RPS6KC1: variants seen among roughly 807,000 people sequenced by gnomAD.
The protein encoded by RPS6KC1 is ribosomal protein S6 kinase C1.
RPS6KC1 carries 54 observed loss-of-function variants against 103.8 expected under a neutral mutation model. The observed-to-expected ratio is 0.52, with a 90% CI of 0.42 to 0.65. The LOEUF is 0.65. Ranked by LOEUF, RPS6KC1 falls within the 30% of genes least tolerant of loss-of-function variation. The pLI is 0.00. For missense variants in RPS6KC1, 1,151 were observed against 1,253.8 expected (o/e 0.92, Z 1.24); for synonymous variants, 439 against 438.7 (o/e 1.00, Z -0.01).
At chr1:213,594,712 A>G in the RPS6KC1 span, among the ~76,000 whole-genome samples, 1 of 152,224 alleles carries the variant, frequency 6.6e-6, no homozygotes, top group Non-Finnish European at 1.5e-5. Context: ...GTATCTACAC[A>G]TGTAATCTTC....
the RPS6KC1 span, among the ~76,000 whole-genome samples, chr1:213,635,107 C>T: frequency 1.3e-5 from 2 of 152,074 alleles, no homozygotes; most frequent in African/African-American, 2.4e-5. Flanking sequence ...CAATAACAGG[C>T]TCTGAAATGG....
chr1:213,573,295 A>G, the RPS6KC1 span, among the ~76,000 whole-genome samples: 1 of 152,224 alleles, frequency 6.6e-6, no homozygotes, highest in African/African-American at 2.4e-5. Context: ...GTTTTGCCAC[A>G]TTAGTAATGA....
chr1:213,253,423 T>C (rs559303210), intron 12 of RPS6KC1, among the ~76,000 whole-genome samples: 93 of 152,316 alleles, frequency 6.1e-4, no homozygotes, highest in Middle Eastern at 6.8e-3. Context: ...TAAAGAAAAG[T>C]AAATTCTGAA....
the RPS6KC1 span, among the ~76,000 whole-genome samples, chr1:213,827,688 G>A: frequency 1.3e-5 from 2 of 152,086 alleles, no homozygotes; most frequent in African/African-American, 4.8e-5. Flanking sequence ...TTAACATGAT[G>A]GGAGCATTTC....
At chr1:213,613,041 C>A in the RPS6KC1 span, among the ~76,000 whole-genome samples, 1 of 152,172 alleles carries the variant, frequency 6.6e-6, no homozygotes, top group African/African-American at 2.4e-5. Flanking sequence ...TTGCCCATGT[C>A]ATCAGCAGCT....
intron 8 of RPS6KC1, among the ~76,000 whole-genome samples, chr1:213,222,046 G>A (rs183445821): frequency 2.6e-4 from 40 of 152,278 alleles, no homozygotes; most frequent in Admixed American, 1.9e-3. Flanking sequence ...TGACTCTGCC[G>A]TTCTTAACTT....
the RPS6KC1 span, among the ~76,000 whole-genome samples, chr1:213,692,370 G>A: frequency 6.8e-6 from 1 of 147,490 alleles, no homozygotes; most frequent in Non-Finnish European, 1.5e-5. Context: ...ACTCTAGCCT[G>A]GGAGTGAGAC....
intron 8 of RPS6KC1, among the ~76,000 whole-genome samples, chr1:213,206,887 C>T (rs1029186124): frequency 1.1e-4 from 16 of 151,988 alleles, no homozygotes; most frequent in African/African-American, 2.7e-4. Context: ...CCAAGGTGGG[C>T]GGATCACGAG....
intron 8 of RPS6KC1, among the ~76,000 whole-genome samples, chr1:213,219,463 G>T (rs1014829580): frequency 2.0e-5 from 3 of 152,160 alleles, no homozygotes; most frequent in Admixed American, 6.5e-5. Flanking sequence ...ATTCCTCAGG[G>T]ATCTAGAACT....
the RPS6KC1 span, among the ~76,000 whole-genome samples, chr1:213,348,138 G>A: frequency 1.3e-5 from 2 of 152,232 alleles, no homozygotes; most frequent in East Asian, 1.9e-4. Flanking sequence ...AGAACCAACC[G>A]GGGAGCTTGT....
intron 4 of RPS6KC1, among the ~76,000 whole-genome samples, chr1:213,112,135 A>G (rs1161832097): frequency 1.3e-5 from 2 of 152,158 alleles, no homozygotes; most frequent in Admixed American, 6.5e-5. Flanking sequence ...GCTGAAGTAG[A>G]GAGGAAATGG....
At chr1:213,601,730 G>A in the RPS6KC1 span, among the ~76,000 whole-genome samples, 1 of 151,970 alleles carries the variant, frequency 6.6e-6, no homozygotes, top group Non-Finnish European at 1.5e-5. Context: ...AATGGATTCT[G>A]TCCTCTCTCT....
At chr1:213,358,349 G>A in the RPS6KC1 span, among the ~76,000 whole-genome samples, 1 of 152,108 alleles carries the variant, frequency 6.6e-6, no homozygotes, top group African/African-American at 2.4e-5. Context: ...ACTTCTTCCT[G>A]GTTTAGTCTT....
At chr1:213,698,348 T>C in the RPS6KC1 span, among the ~76,000 whole-genome samples, 36 of 152,358 alleles carry the variant, frequency 2.4e-4, no homozygotes, top group East Asian at 6.6e-3. Flanking sequence ...TCTTAAGTTC[T>C]TGCATCCTCA....
At chr1:213,423,845 A>G in the RPS6KC1 span, among the ~76,000 whole-genome samples, 2 of 152,246 alleles carry the variant, frequency 1.3e-5, no homozygotes, top group African/African-American at 4.8e-5. Context: ...AGCGAGCTCA[A>G]GAGCTCTTCT....
chr1:213,279,603 T>G (rs1469748092), downstream of RPS6KC1, among the ~76,000 whole-genome samples: 1 of 152,218 alleles, frequency 6.6e-6, no homozygotes, highest in Non-Finnish European at 1.5e-5. Context: ...GATAGTGTTC[T>G]GATCTTTGCT....
the RPS6KC1 span, among the ~76,000 whole-genome samples, chr1:213,362,278 T>A: frequency 6.6e-6 from 1 of 152,188 alleles, no homozygotes; most frequent in Non-Finnish European, 1.5e-5. Context: ...CATGGAGAGT[T>A]AAAAGAAATT....
chr1:213,513,604 C>T, the RPS6KC1 span, among the ~76,000 whole-genome samples: 1 of 152,310 alleles, frequency 6.6e-6, no homozygotes, highest in African/African-American at 2.4e-5. Context: ...GGATTGATTG[C>T]ATTAGCAGGA....
the RPS6KC1 span, among the ~76,000 whole-genome samples, chr1:213,776,352 T>C: frequency 6.6e-6 from 1 of 151,920 alleles, no homozygotes; most frequent in Non-Finnish European, 1.5e-5. Flanking sequence ...AATTACTCCT[T>C]GATCTATGGG....
Sources: allele counts gnomAD v4.1 joint callset (sites outside exome capture counted in the v4.1 genomes callset), GRCh38; gene constraint gnomAD v4.1.1; transcripts MANE v1.5; gene names NCBI Gene and HGNC (gene_info 2026-07-23, HGNC 2026-07-21).